MAST4: variants seen among roughly 807,000 people sequenced by gnomAD.
MAST4 encodes the protein microtubule associated serine/threonine kinase family member 4.
Under a neutral mutation model 162.7 loss-of-function variants are expected in MAST4, and 89 were observed. The observed-to-expected ratio is 0.55, with a 90% CI of 0.46 to 0.65. The LOEUF (loss-of-function observed/expected upper bound fraction) is 0.65, where lower values mean the gene tolerates loss of function less well. MAST4 is among the 30% of genes least tolerant of loss of function. The pLI is 0.00. For synonymous variants in MAST4, 1,479 were observed against 1,361.1 expected, an observed-to-expected ratio of 1.09 and a Z score of -1.91; for missense variants, 3,153 against 3,374.0, an observed-to-expected ratio of 0.93 and a Z score of 1.62.
rs1374298967 is a variant in MAST4, at chr5:67,133,437, G to T, written c.2094-77G>T. On this transcript the variant is annotated intron_variant, in intron 16 of 28. Transcript: ENST00000403625. ...TATATTAAATAGTCTTAGAAACTGA[G>T]GGGGGAAGGGAGGAAATGAAAATAG... 11 of 1,495,812 alleles carry T rather than the reference G, an allele frequency of 7.4e-6. No individual in the cohort carries two copies. In the East Asian group the frequency reaches 2.5e-4, roughly 34 times the overall value. The allele number at this position is 1,495,812 out of a possible 1,614,324, so 92.7% of individuals were successfully genotyped here.
intron 4 of MAST4, among the ~76,000 whole-genome samples, chr5:66,912,924 T>C (rs1763872524): frequency 6.6e-6 from 1 of 152,202 alleles, no homozygotes; most frequent in African/African-American, 2.4e-5. Context: ...GGCTGTATTA[T>C]GTTCATGTAA....
chr5:66,619,269 A>G (rs1743920020), intron 1 of MAST4, among the ~76,000 whole-genome samples: 1 of 152,168 alleles, frequency 6.6e-6, no homozygotes, highest in African/African-American at 2.4e-5. Flanking sequence ...GCTGGGTACC[A>G]AATTATGCTG....
At position 66,917,117 on chromosome 5, in the gene MAST4, A is replaced by C. The variant is rs1286652896; in HGVS notation, c.674+17135A>C. On this transcript the variant is annotated intron_variant, in intron 4 of 28. Coordinates refer to ENST00000403625, the MANE Select transcript of MAST4 (RefSeq NM_001164664.2). ...GCCCATTTTCTACATTCTCACCAGC[A>C]CTGGATGTCACTGCCCTTAATTCTT... is the stretch of plus-strand genomic sequence containing the variant. 2.0e-5 allele frequency: 14 copies of C among 694,470 alleles called. No individual in the cohort carries two copies. The East Asian group carries it at 2.2e-4, about 11-fold the overall frequency. 43.0% of individuals were successfully genotyped at this position (694,470 alleles called of 1,614,324 possible). A position where few individuals can be genotyped will look rare whatever the true frequency, so the allele number is the denominator to read the frequency against.
intron 4 of MAST4, among the ~76,000 whole-genome samples, chr5:67,037,209 C>T (rs1375714447): frequency 2.0e-5 from 3 of 152,008 alleles, no homozygotes; most frequent in Non-Finnish European, 4.4e-5. Flanking sequence ...ATCCAGGCAA[C>T]ATAGCAAGAC....
intron 1 of MAST4, among the ~76,000 whole-genome samples, chr5:66,617,565 G>A (rs894953571): frequency 2.0e-5 from 3 of 152,006 alleles, no homozygotes; most frequent in Non-Finnish European, 2.9e-5. Context: ...TATGTAGAGC[G>A]TAATTGCTGA....
At chr5:66,761,071 C>T (rs1753827388) in intron 2 of MAST4, among the ~76,000 whole-genome samples, 1 of 152,138 alleles carries the variant, frequency 6.6e-6, no homozygotes, top group Admixed American at 6.5e-5. Flanking sequence ...TTCTTGCTAA[C>T]CTGTGGTATT....
In MAST4 at chr5:66,992,794, G is replaced by A. The variant is rs533844577; in HGVS notation, c.675-61610G>A. 7.9e-5 allele frequency among the ~76,000 whole-genome samples: 12 copies of A among 152,272 alleles called. No homozygotes were observed. In the South Asian group the frequency reaches 1.9e-3, roughly 24 times the overall value. ...CAACTTTGTAACTCCTCCTAAGTGCGACGGAAGGTTTCACTGGGTAAGCTG... is the reference window on the plus strand; with the variant it reads ...CAACTTTGTAACTCCTCCTAAGTGCAACGGAAGGTTTCACTGGGTAAGCTG... On this transcript the variant is annotated intron_variant, in intron 4 of 28. Transcript: ENST00000403625.
At chr5:66,776,831 T>C (rs993474546) in intron 2 of MAST4, among the ~76,000 whole-genome samples, 18 of 152,260 alleles carry the variant, frequency 1.2e-4, no homozygotes, top group African/African-American at 4.3e-4. Flanking sequence ...CAGAAATAAA[T>C]GGCACTCTGT....
rs773339123 is a variant in MAST4, at chr5:67,164,180, C to T, written c.5001C>T (p.Ser1667=). ...ISGKGEGTEK[S]SQAKELLRCE... ...GGAAGGGGGAAGGCACGGAGAAGTC[C>T]TCCCAGGCCAAGGAGCTTCTCCGAT... The change falls in exon 29 of 29, where the codon TCC becomes TCT. Residue 1667 remains serine, a synonymous_variant. Transcript: ENST00000403625. This position sits in a 1 kb window ranked among gnomAD's most constrained non-coding sequence, Gnocchi z 5.3. 16 of 1,611,408 alleles carry T rather than the reference C, an allele frequency of 9.9e-6. No individual in the cohort carries two copies. The African/African-American group carries it at 1.7e-4, about 17-fold the overall frequency.
intron 3 of MAST4, among the ~76,000 whole-genome samples, chr5:66,823,094 G>C (rs138105271): frequency 6.6e-6 from 1 of 152,080 alleles, no homozygotes; most frequent in East Asian, 1.9e-4. Flanking sequence ...TTTATAAGGG[G>C]CTCTTCCCTT....
intron 1 of MAST4, among the ~76,000 whole-genome samples, chr5:66,667,231 A>G (rs539183929): frequency 1.1e-3 from 173 of 152,266 alleles, no homozygotes; most frequent in Admixed American, 2.0e-3. Context: ...CCATGGGTGA[A>G]ATGGAAACTT....
intron 3 of MAST4, among the ~76,000 whole-genome samples, chr5:66,894,694 ATGG>A (rs1402814032): frequency 1.3e-5 from 2 of 152,190 alleles, no homozygotes; most frequent in Non-Finnish European, 2.9e-5. Flanking sequence ...TGTCAGGAAA[ATGG>A]TGAGGGAATG....
At chr5:66,699,550 T>C (rs1749628163) in intron 1 of MAST4, among the ~76,000 whole-genome samples, 1 of 152,196 alleles carries the variant, frequency 6.6e-6, no homozygotes, top group Middle Eastern at 3.4e-3. Flanking sequence ...GAAAATATGG[T>C]ACATATACAT....
At chr5:66,999,021 A>G (rs1435935382) in intron 4 of MAST4, among the ~76,000 whole-genome samples, 1 of 152,184 alleles carries the variant, frequency 6.6e-6, no homozygotes, top group Non-Finnish European at 1.5e-5. Context: ...GTTGCTGTCT[A>G]CTTCATAATT....
At chr5:66,776,085 T>G (rs1754587756) in intron 2 of MAST4, among the ~76,000 whole-genome samples, 1 of 152,242 alleles carries the variant, frequency 6.6e-6, no homozygotes, top group Non-Finnish European at 1.5e-5. Flanking sequence ...TGTAAGAGTT[T>G]CCTTGTAAAA....
intron 4 of MAST4, among the ~76,000 whole-genome samples, chr5:66,961,489 A>G (rs1376678841): frequency 1.3e-5 from 2 of 152,226 alleles, no homozygotes; most frequent in African/African-American, 2.4e-5. Flanking sequence ...GCAGTTTCTG[A>G]TTCCTGTTTC....
chr5:66,953,014 AG>A (rs1744884015), intron 4 of MAST4, among the ~76,000 whole-genome samples: 1 of 152,200 alleles, frequency 6.6e-6, no homozygotes, highest in Non-Finnish European at 1.5e-5. Context: ...CACCTAGAAC[AG>A]GGGCTGCTGA....
intron 4 of MAST4, among the ~76,000 whole-genome samples, chr5:66,926,027 A>T (rs1764867954): frequency 6.6e-6 from 1 of 151,972 alleles, no homozygotes; most frequent in African/African-American, 2.4e-5. Context: ...AGTCTTCTAT[A>T]TAAAGGAATA....
At chr5:66,918,404 C>T (rs796134708) in intron 4 of MAST4, among the ~76,000 whole-genome samples, 5 of 152,238 alleles carry the variant, frequency 3.3e-5, no homozygotes, top group African/African-American at 1.2e-4. Flanking sequence ...TTGAATATTA[C>T]GTGGACTTTA....
Sources: allele counts gnomAD v4.1 joint callset (sites outside exome capture counted in the v4.1 genomes callset), GRCh38; gene constraint gnomAD v4.1.1; non-coding constraint Gnocchi (gnomAD v3.1); transcripts MANE v1.5; gene names NCBI Gene and HGNC (gene_info 2026-07-23, HGNC 2026-07-21).